Variants in STARD13 observed in about 807,000 individuals in gnomAD.
The protein encoded by STARD13 is stAR-related lipid transfer protein 13.
Under a neutral mutation model 106.4 loss-of-function variants are expected in STARD13, and 62 were observed. That is an observed-to-expected ratio of 0.58 (90% CI 0.48 to 0.72). STARD13 has a LOEUF of 0.72. Ranked by LOEUF, STARD13 falls within the 30% of genes least tolerant of loss-of-function variation. The pLI, the probability that STARD13 is intolerant of heterozygous loss-of-function variation, is 0.00. For synonymous variants in STARD13, 565 were observed against 553.0 expected, an observed-to-expected ratio of 1.02 and a Z score of -0.31; for missense variants, 1,387 against 1,424.0, an observed-to-expected ratio of 0.97 and a Z score of 0.42.
chr13:33,552,674 T>C, the STARD13 span, among the ~76,000 whole-genome samples: 5 of 152,182 alleles, frequency 3.3e-5, no homozygotes, highest in Admixed American at 3.3e-4. Context: ...TAAGAATACC[T>C]TTACTAAGGA....
chr13:33,298,989 G>A (rs571036621), intron 1 of STARD13, among the ~76,000 whole-genome samples: 32 of 152,242 alleles, frequency 2.1e-4, no homozygotes, highest in Non-Finnish European at 3.8e-4. Flanking sequence ...ACCACATAAC[G>A]TTTTGCTTAA....
chr13:33,259,107 C>T (rs1311065722), intron 1 of STARD13, among the ~76,000 whole-genome samples: 2 of 152,208 alleles, frequency 1.3e-5, no homozygotes, highest in Non-Finnish European at 2.9e-5. Context: ...TACCTCTCTA[C>T]CTCCCTCCCT....
At chr13:33,585,866 A>C in the STARD13 span, among the ~76,000 whole-genome samples, 13 of 152,336 alleles carry the variant, frequency 8.5e-5, no homozygotes, top group African/African-American at 3.1e-4. Context: ...TTTCACTCAT[A>C]TGAATTACTT....
At chr13:33,307,644 C>T (rs181731793) in intron 1 of STARD13, among the ~76,000 whole-genome samples, 5 of 152,038 alleles carry the variant, frequency 3.3e-5, no homozygotes, top group South Asian at 2.1e-4. Flanking sequence ...AACAACACAC[C>T]GGGGCCTGTC....
the STARD13 span, among the ~76,000 whole-genome samples, chr13:33,466,538 C>G: frequency 1.3e-5 from 2 of 152,118 alleles, no homozygotes; most frequent in African/African-American, 4.8e-5. Flanking sequence ...TATTTTAATG[C>G]TAAGCTCCTA....
the STARD13 span, among the ~76,000 whole-genome samples, chr13:33,581,625 C>T: frequency 6.6e-6 from 1 of 151,958 alleles, no homozygotes; most frequent in African/African-American, 2.4e-5. Context: ...ATTATAAATA[C>T]CAGGTAACTT....
the STARD13 span, among the ~76,000 whole-genome samples, chr13:33,550,903 C>A: frequency 6.6e-6 from 1 of 152,212 alleles, no homozygotes; most frequent in Non-Finnish European, 1.5e-5. Flanking sequence ...GTCACTCCAA[C>A]ACTATACTCT....
chr13:33,308,520 C>CTTTCTTTTTTTTTTTTTTTT (rs1893003354), intron 1 of STARD13, among the ~76,000 whole-genome samples: 1 of 88,554 alleles, frequency 1.1e-5, no homozygotes, highest in African/African-American at 4.4e-5. Context: ...CTTTTTCTTT[C>CTTTCTTTTTTTTTTTTTTTT]TTTTTTTTTT....
the STARD13 span, among the ~76,000 whole-genome samples, chr13:33,647,894 T>C: frequency 6.6e-6 from 1 of 152,098 alleles, no homozygotes; most frequent in Admixed American, 6.6e-5. Context: ...AATATACAAT[T>C]AAATAAATAT....
the STARD13 span, among the ~76,000 whole-genome samples, chr13:33,550,460 T>G: frequency 5.3e-5 from 8 of 152,200 alleles, no homozygotes; most frequent in African/African-American, 1.9e-4. Flanking sequence ...GTTTTTCTGG[T>G]GCAATAATGC....
At chr13:33,467,356 A>G in the STARD13 span, among the ~76,000 whole-genome samples, 1 of 152,100 alleles carries the variant, frequency 6.6e-6, no homozygotes, top group South Asian at 2.1e-4. Context: ...TCCTATGAGA[A>G]TCTAATGCTG....
In STARD13 at chr13:33,104,730, T is replaced by C. The variant is rs1467361974; in HGVS notation, c.*863A>G. ...AGAAGTAAAGGCTATGATATTCATC[T>C]TGACTTGGGGTCTGTAGTGATGGGC... is the stretch of plus-strand genomic sequence containing the variant. On this transcript the variant is annotated 3_prime_UTR_variant, in exon 14 of 14. Coordinates refer to ENST00000336934, the MANE Select transcript of STARD13 (RefSeq NM_178006.4). 2 of 153,584 alleles carry C rather than the reference T, an allele frequency of 1.3e-5. No homozygotes were observed. Among genetic ancestry groups the C allele is most frequent in the African/African-American group, 4.8e-5 (2 of 41,464 alleles). The allele number at this position is 153,584 out of a possible 1,614,324, so 9.5% of individuals were successfully genotyped here.
the STARD13 span, among the ~76,000 whole-genome samples, chr13:33,670,207 G>A: frequency 6.6e-6 from 1 of 152,176 alleles, no homozygotes; most frequent in Non-Finnish European, 1.5e-5. Context: ...AGTATGCCAA[G>A]TATCTTATAT....
chr13:33,212,058 A>G (rs1347686281), intron 1 of STARD13, among the ~76,000 whole-genome samples: 1 of 152,204 alleles, frequency 6.6e-6, no homozygotes, highest in Non-Finnish European at 1.5e-5. Flanking sequence ...AGCTAATAAC[A>G]AATTAGCTCA....
the STARD13 span, among the ~76,000 whole-genome samples, chr13:33,632,625 T>TG: frequency 2.6e-5 from 4 of 152,162 alleles, no homozygotes; most frequent in Non-Finnish European, 5.9e-5. Flanking sequence ...TTCACAAAAT[T>TG]ATCACCAAAC....
At chr13:33,491,379 C>A in the STARD13 span, among the ~76,000 whole-genome samples, 5 of 152,250 alleles carry the variant, frequency 3.3e-5, no homozygotes, top group South Asian at 4.1e-4. Flanking sequence ...GAAAAGAAAT[C>A]CCAAATCATG....
At chr13:33,565,642 G>T in the STARD13 span, among the ~76,000 whole-genome samples, 2 of 147,920 alleles carry the variant, frequency 1.4e-5, no homozygotes, top group South Asian at 4.3e-4. Flanking sequence ...TAAGTTGAGA[G>T]AAGAACATCA....
intron 1 of STARD13, among the ~76,000 whole-genome samples, chr13:33,273,367 G>T (rs151019080): frequency 0.014 from 2,128 of 152,270 alleles, 22 homozygotes; most frequent in Non-Finnish European, 0.02. Flanking sequence ...TACAAAACAA[G>T]GTTTTTGCAA....
At chr13:33,544,253 G>A in the STARD13 span, among the ~76,000 whole-genome samples, 1 of 152,012 alleles carries the variant, frequency 6.6e-6, no homozygotes, top group East Asian at 1.9e-4. Context: ...TCTACCCCCA[G>A]CCCACTCCCA....
Sources: allele counts gnomAD v4.1 joint callset (sites outside exome capture counted in the v4.1 genomes callset), GRCh38; gene constraint gnomAD v4.1.1; transcripts MANE v1.5; gene names NCBI Gene and HGNC (gene_info 2026-07-23, HGNC 2026-07-21).